CHN2: variants seen among roughly 807,000 people sequenced by gnomAD.
CHN2 encodes chimerin 2, also known as beta-chimaerin.
In CHN2, 35 loss-of-function variants were observed where a neutral mutation model predicts 56.3. That is an observed-to-expected ratio of 0.62 (90% CI 0.47 to 0.82). The LOEUF (loss-of-function observed/expected upper bound fraction) is 0.82. Ranked by LOEUF, CHN2 falls within the 40% of genes least tolerant of loss-of-function variation. CHN2 has a pLI of 0.00. For synonymous variants in CHN2, 210 were observed against 212.8 expected, an observed-to-expected ratio of 0.99 and a Z score of 0.12; for missense variants, 491 against 580.5, an observed-to-expected ratio of 0.85 and a Z score of 1.58.
rs869037854 is a variant in CHN2 at position 29,195,629 on chromosome 7, A to AGAGAGAGAGAGTGTGT, written c.49+640_49+641insAGAGAGAGAGTGTGTG. On this transcript the variant is annotated intron_variant, in intron 1 of 12. Transcript: ENST00000222792. ...GAGAGAGAGAGAGAGAGAGAGAGAGAGTGTGTGTGTGTGTGTGTGTGAGAG... is the reference window on the plus strand; with the variant it reads ...GAGAGAGAGAGAGAGAGAGAGAGAGAGAGAGAGAGAGTGTGTGTGTGTGTGTGTGTGTGTGTGAGAG... Among the ~76,000 whole-genome samples, 251 of 117,438 alleles carry AGAGAGAGAGAGTGTGT rather than the reference A, an allele frequency of 2.1e-3. 1 individual carries two copies. Among genetic ancestry groups the AGAGAGAGAGAGTGTGT allele is most frequent in the East Asian group, 8.4e-3 (22 of 2,618 alleles). 77.0% of individuals were successfully genotyped at this position (117,438 alleles called of 152,430 possible).
intron 8 of CHN2, among the ~76,000 whole-genome samples, 180 bp downstream of exon 8, chr7:29,496,216 A>G (rs1403549112): frequency 6.6e-6 from 1 of 151,934 alleles, no homozygotes; most frequent in Non-Finnish European, 1.5e-5. Flanking sequence ...GGAATGAAAA[A>G]GAATATATCA....
intron 2 of CHN2, among the ~76,000 whole-genome samples, chr7:29,176,002 C>G (rs559601592): frequency 6.6e-6 from 1 of 151,972 alleles, no homozygotes; most frequent in Non-Finnish European, 1.5e-5. Context: ...CTGACTAACA[C>G]GGTGAAACCC....
At chr7:29,194,438 A>T (rs1263672927), upstream of CHN2, 1 of 153,122 alleles carries the variant, frequency 6.5e-6, no homozygotes, top group East Asian at 1.9e-4. Flanking sequence ...GCGCGAGCGG[A>T]GTTGGGGCGG....
chr7:29,453,637 A>C (rs1784553147), intron 6 of CHN2, among the ~76,000 whole-genome samples: 1 of 152,142 alleles, frequency 6.6e-6, no homozygotes, highest in Non-Finnish European at 1.5e-5. Context: ...AGCATCATTA[A>C]ATTCTGGAAG....
At chr7:29,157,661 T>C (rs896948926) in intron 2 of CHN2, among the ~76,000 whole-genome samples, 4 of 152,242 alleles carry the variant, frequency 2.6e-5, no homozygotes, top group East Asian at 3.9e-4. Flanking sequence ...TAATGTTTCA[T>C]TGGAGATAAA....
At chr7:29,482,488 C>T (rs980001513) in intron 7 of CHN2, among the ~76,000 whole-genome samples, 1 of 152,124 alleles carries the variant, frequency 6.6e-6, no homozygotes, top group Non-Finnish European at 1.5e-5. Flanking sequence ...AAAGCAGGCT[C>T]AGGCTATAAA....
chr7:29,203,071 G>A (rs1294364163), intron 1 of CHN2, among the ~76,000 whole-genome samples: 2 of 152,166 alleles, frequency 1.3e-5, no homozygotes, highest in South Asian at 2.1e-4. Context: ...TGCTACAAGT[G>A]TAAAATTCAC....
At chr7:29,149,383 G>A (rs1026369529) in intron 2 of CHN2, among the ~76,000 whole-genome samples, 1 of 151,718 alleles carries the variant, frequency 6.6e-6, no homozygotes, top group Non-Finnish European at 1.5e-5. Context: ...TAGTAGACAC[G>A]GGGTTTCACC....
chr7:29,355,809 G>T (rs1417015493), intron 2 of CHN2, among the ~76,000 whole-genome samples: 3 of 132,058 alleles, frequency 2.3e-5, no homozygotes, highest in Non-Finnish European at 3.1e-5. Context: ...TTTGAGACAG[G>T]GTCTCGCTCT....
intron 3 of CHN2, among the ~76,000 whole-genome samples, chr7:29,370,051 CA>C (rs1309747627): frequency 1.1e-4 from 16 of 152,276 alleles, no homozygotes; most frequent in African/African-American, 3.9e-4. Flanking sequence ...AGGCAGGTGT[CA>C]GATAGTAACA....
At chr7:29,422,142 A>G (rs1250966751) in intron 6 of CHN2, among the ~76,000 whole-genome samples, 1 of 152,100 alleles carries the variant, frequency 6.6e-6, no homozygotes, top group Admixed American at 6.6e-5. Flanking sequence ...CCAAGTGAGG[A>G]TTTTTTTAAT....
At chr7:29,436,821 A>G (rs1783259431) in intron 6 of CHN2, among the ~76,000 whole-genome samples, 3 of 152,172 alleles carry the variant, frequency 2.0e-5, no homozygotes, top group Admixed American at 2.0e-4. Flanking sequence ...ATAGGTTCCT[A>G]AGTATTGGGC....
chr7:29,154,819 A>G (rs1428779498), intron 2 of CHN2, among the ~76,000 whole-genome samples: 1 of 152,194 alleles, frequency 6.6e-6, no homozygotes, highest in Non-Finnish European at 1.5e-5. Context: ...TGGGCGACAG[A>G]GTGAGACTCC....
chr7:29,511,665 AGGAAATAGAAAG>A (rs1791429564), intron 12 of CHN2, among the ~76,000 whole-genome samples: 1 of 152,140 alleles, frequency 6.6e-6, no homozygotes, highest in Non-Finnish European at 1.5e-5. Context: ...ATGAGTTATA[AGGAAATAGAAAG>A]GGATGGCTTT....
Position 29,475,836 on chromosome 7 carries a change from AT to A in CHN2, c.577-4442del, listed in dbSNP as rs1562637493. On this transcript the variant is annotated intron_variant, in intron 6 of 12. Coordinates refer to ENST00000222792, the MANE Select transcript of CHN2 (RefSeq NM_004067.4). ...CAAAATATCCAGAATAGGCAAATTCATAGAGACAGAAAGCAGATTGGTGTTT... is the reference window on the plus strand; with the variant it reads ...CAAAATATCCAGAATAGGCAAATTCAAGAGACAGAAAGCAGATTGGTGTTT... Among the ~76,000 whole-genome samples the A allele has an allele frequency of 3.3e-5, 5 of 152,340 alleles. No homozygotes were observed. The South Asian group carries it at 1.0e-3, about 32-fold the overall frequency.
chr7:29,495,087 T>A (rs1789124518), intron 7 of CHN2, among the ~76,000 whole-genome samples: 1 of 152,120 alleles, frequency 6.6e-6, no homozygotes, highest in Admixed American at 6.5e-5. Context: ...TTTGTGCACA[T>A]TTGTATGGCC....
At chr7:29,174,900 C>T (rs917268673) in intron 2 of CHN2, among the ~76,000 whole-genome samples, 1 of 147,864 alleles carries the variant, frequency 6.8e-6, no homozygotes, top group African/African-American at 2.5e-5. Context: ...GATACAGGAA[C>T]AAGAAGCTAG....
chr7:29,373,188 T>C (rs73078570), intron 3 of CHN2, among the ~76,000 whole-genome samples: 1,631 of 151,610 alleles, frequency 0.011, 10 homozygotes, highest in Non-Finnish European at 0.016. Flanking sequence ...CTTTTTTTTT[T>C]TTCTGAGGTG....
At chr7:29,169,162 G>T (rs1045463323) in intron 2 of CHN2, among the ~76,000 whole-genome samples, 18 of 151,984 alleles carry the variant, frequency 1.2e-4, no homozygotes, top group African/African-American at 4.1e-4. Context: ...ATTCTAGGTG[G>T]TCTATGCATT....
Sources: allele counts gnomAD v4.1 joint callset (sites outside exome capture counted in the v4.1 genomes callset), GRCh38; gene constraint gnomAD v4.1.1; transcripts MANE v1.5; gene names NCBI Gene and HGNC (gene_info 2026-07-23, HGNC 2026-07-21).